Variants in CHCHD6 observed in about 807,000 individuals in gnomAD.
The protein encoded by CHCHD6 is coiled-coil-helix-coiled-coil-helix domain containing 6.
CHCHD6 carries 28 observed loss-of-function variants against 32.3 expected under a neutral mutation model. The observed-to-expected ratio is 0.87, with a 90% confidence interval of 0.64 to 1.19. The LOEUF is 1.19. CHCHD6 is among the 50% of genes most tolerant of loss of function. CHCHD6 has a pLI of 0.00. For missense variants in CHCHD6, 333 were observed against 307.0 expected, an observed-to-expected ratio of 1.08 and a Z score of -0.63; for synonymous variants, 122 against 117.5, an observed-to-expected ratio of 1.04 and a Z score of -0.25.
chr3:126,774,573 C>T (rs1270854814), intron 4 of CHCHD6, among the ~76,000 whole-genome samples: 2 of 152,118 alleles, frequency 1.3e-5, no homozygotes, highest in Non-Finnish European at 2.9e-5. Flanking sequence ...TGGGGAAGGG[C>T]ACCTGCTTAC....
At chr3:126,853,370 G>A (rs1036159353) in intron 5 of CHCHD6, among the ~76,000 whole-genome samples, 3 of 151,884 alleles carry the variant, frequency 2.0e-5, no homozygotes, top group Non-Finnish European at 4.4e-5. Context: ...GGCTTAAAAT[G>A]TGGGAGGGGA....
At chr3:126,887,974 T>C (rs1453586378) in intron 5 of CHCHD6, among the ~76,000 whole-genome samples, 1 of 152,186 alleles carries the variant, frequency 6.6e-6, no homozygotes, top group Middle Eastern at 3.2e-3. Context: ...AATATCCACT[T>C]CCTAGCCTCT....
intron 1 of CHCHD6, among the ~76,000 whole-genome samples, chr3:126,706,318 G>A (rs1934486155): frequency 6.6e-6 from 1 of 152,170 alleles, no homozygotes; most frequent in African/African-American, 2.4e-5. Flanking sequence ...TAAAGATGGA[G>A]AATTGAGCTT....
chr3:126,928,728 A>G (rs1204408189), intron 6 of CHCHD6, among the ~76,000 whole-genome samples: 6 of 152,130 alleles, frequency 3.9e-5, no homozygotes, highest in African/African-American at 9.7e-5. Flanking sequence ...AGAAAGCACT[A>G]TGTGTTCCAA....
intron 4 of CHCHD6, among the ~76,000 whole-genome samples, chr3:126,772,414 T>G (rs955662361): frequency 1.3e-5 from 2 of 152,186 alleles, no homozygotes; most frequent in Admixed American, 1.3e-4. Flanking sequence ...CTTATGAACC[T>G]GGGTGCTCCT....
At chr3:126,909,672 G>A (rs1383107952) in intron 5 of CHCHD6, among the ~76,000 whole-genome samples, 3 of 152,220 alleles carry the variant, frequency 2.0e-5, no homozygotes, top group Non-Finnish European at 2.9e-5. Flanking sequence ...AGGAGGAGGA[G>A]GGGCAGCTGT....
At chr3:126,818,758 A>G (rs770805029) in intron 4 of CHCHD6, among the ~76,000 whole-genome samples, 55 of 152,164 alleles carry the variant, frequency 3.6e-4, no homozygotes, top group Non-Finnish European at 1.2e-4. Context: ...GGCCCTTTGC[A>G]TCTCCCCATC....
At chr3:126,905,651 G>T (rs140797611) in intron 5 of CHCHD6, among the ~76,000 whole-genome samples, 238 of 152,226 alleles carry the variant, frequency 1.6e-3, no homozygotes, top group African/African-American at 5.5e-3. Flanking sequence ...GCAGCGGGGT[G>T]GCCAGGATGG....
At chr3:126,892,697 T>A (rs1272988793) in intron 5 of CHCHD6, among the ~76,000 whole-genome samples, 1 of 152,214 alleles carries the variant, frequency 6.6e-6, no homozygotes, top group African/African-American at 2.4e-5. Flanking sequence ...CATTTCCATA[T>A]GAGACATGAG....
chr3:126,760,640 A>G (rs1937125597), intron 4 of CHCHD6, among the ~76,000 whole-genome samples: 1 of 152,176 alleles, frequency 6.6e-6, no homozygotes, highest in Admixed American at 6.5e-5. Flanking sequence ...TAATACCTTC[A>G]AGGTTTATCC....
At chr3:126,819,369 G>A (rs766955564) in intron 4 of CHCHD6, among the ~76,000 whole-genome samples, 3 of 152,212 alleles carry the variant, frequency 2.0e-5, no homozygotes, top group Non-Finnish European at 4.4e-5. Flanking sequence ...TGCCTTGCCA[G>A]CCAGGTTTCT....
At chr3:126,900,707 T>G (rs1351049917) in intron 5 of CHCHD6, among the ~76,000 whole-genome samples, 1 of 149,068 alleles carries the variant, frequency 6.7e-6, no homozygotes, top group Non-Finnish European at 1.5e-5. Flanking sequence ...CAGGTTCAAG[T>G]GATTCTCCTG....
At chr3:126,900,564 CAGA>C (rs1441290251) in intron 5 of CHCHD6, among the ~76,000 whole-genome samples, 1 of 149,616 alleles carries the variant, frequency 6.7e-6, no homozygotes, top group Non-Finnish European at 1.5e-5. Flanking sequence ...ATGGCTGGAG[CAGA>C]AGAAGCAAGA....
chr3:126,733,702 G>C (rs943874965), intron 4 of CHCHD6, among the ~76,000 whole-genome samples: 1 of 152,216 alleles, frequency 6.6e-6, no homozygotes, highest in Admixed American at 6.5e-5. Context: ...TTTACACACA[G>C]GACTGCCCAG....
intron 4 of CHCHD6, among the ~76,000 whole-genome samples, chr3:126,834,970 C>T (rs760220145): frequency 3.3e-5 from 5 of 152,158 alleles, no homozygotes; most frequent in East Asian, 1.9e-4. Context: ...ATAAGAGCTC[C>T]GCTGTGCCAT....
chr3:126,905,531 G>C (rs1167776792), intron 5 of CHCHD6, among the ~76,000 whole-genome samples: 2 of 93,708 alleles, frequency 2.1e-5, no homozygotes, highest in Non-Finnish European at 4.2e-5. Context: ...GATCTCACAG[G>C]GGGTGTCTTG....
chr3:126,853,119 A>C (rs985887259), intron 5 of CHCHD6, among the ~76,000 whole-genome samples: 1 of 152,146 alleles, frequency 6.6e-6, no homozygotes, highest in Non-Finnish European at 1.5e-5. Context: ...TTGCTATACA[A>C]ATACATTAAA....
chr3:126,709,916 A>G (rs1221697631), intron 1 of CHCHD6, among the ~76,000 whole-genome samples: 1 of 152,200 alleles, frequency 6.6e-6, no homozygotes, highest in Non-Finnish European at 1.5e-5. Flanking sequence ...ATGCCATTTT[A>G]TAAAAGGGAC....
chr3:126,755,086 T>C (rs1936899036), intron 4 of CHCHD6, among the ~76,000 whole-genome samples: 1 of 152,176 alleles, frequency 6.6e-6, no homozygotes, highest in Non-Finnish European at 1.5e-5. Context: ...GTGTTCTGGC[T>C]CTAGCGAGGG....
Sources: allele counts gnomAD v4.1 joint callset (sites outside exome capture counted in the v4.1 genomes callset), GRCh38; gene constraint gnomAD v4.1.1; transcripts MANE v1.5; gene names NCBI Gene and HGNC (gene_info 2026-07-23, HGNC 2026-07-21).